The following SUGCT variants were observed in gnomAD, a reference collection of about 807,000 sequenced individuals.
The protein encoded by SUGCT is succinyl-CoA:glutarate-CoA transferase.
A neutral mutation model predicts 55.0 loss-of-function variants in SUGCT; 41 were observed. The ratio of observed to expected loss-of-function variants is 0.74; its 90% CI spans 0.58 to 0.97. The LOEUF (loss-of-function observed/expected upper bound fraction) is 0.97, where lower values mean the gene tolerates loss of function less well. Among genes scored for constraint, SUGCT ranks in the 50% least tolerant of loss-of-function variants. SUGCT has a pLI of 0.00. For synonymous variants in SUGCT, 187 were observed against 200.4 expected (o/e 0.93, Z 0.56); for missense variants, 568 against 547.8 (o/e 1.04, Z -0.37).
chr7:40,457,424 G>A (rs1789548497), intron 10 of SUGCT, among the ~76,000 whole-genome samples: 1 of 152,090 alleles, frequency 6.6e-6, no homozygotes, highest in Admixed American at 6.6e-5. Flanking sequence ...AGCCTACGCA[G>A]CAGTGTGAGA....
At chr7:40,217,611 A>C (rs1264886330) in intron 6 of SUGCT, 3 of 288,830 alleles carry the variant, frequency 1.0e-5, no homozygotes, top group Non-Finnish European at 1.4e-5. Context: ...ATCCTCCTCT[A>C]CTTTCTCCTC....
chr7:40,476,985 CG>C (rs1417386537), intron 11 of SUGCT, among the ~76,000 whole-genome samples: 1 of 151,968 alleles, frequency 6.6e-6, no homozygotes, highest in Admixed American at 6.6e-5. Context: ...AGCCAAATGT[CG>C]GCTTTTAATA....
the SUGCT span, among the ~76,000 whole-genome samples, chr7:41,036,668 T>C: frequency 1.3e-5 from 2 of 152,210 alleles, no homozygotes; most frequent in Admixed American, 6.5e-5. Flanking sequence ...AAACAGCAGT[T>C]AGTTTTGCAC....
chr7:40,531,867 G>C (rs938096575), intron 12 of SUGCT, among the ~76,000 whole-genome samples: 1 of 152,166 alleles, frequency 6.6e-6, no homozygotes, highest in African/African-American at 2.4e-5. Context: ...TAGAGATGGG[G>C]TTTCACCTGT....
chr7:40,794,328 G>A (rs982969502), intron 13 of SUGCT, among the ~76,000 whole-genome samples: 5 of 152,092 alleles, frequency 3.3e-5, no homozygotes, highest in African/African-American at 1.2e-4. Context: ...TCTCAAAGTG[G>A]TGTGAATTCA....
intron 1 of SUGCT, chr7:40,153,629 C>A: frequency 1.9e-6 from 1 of 522,550 alleles, no homozygotes; most frequent in South Asian, 1.4e-5. Flanking sequence ...TTATAATAGT[C>A]GATCCAATGT....
At chr7:40,320,313 C>T (rs1167106183) in intron 9 of SUGCT, among the ~76,000 whole-genome samples, 1 of 151,990 alleles carries the variant, frequency 6.6e-6, no homozygotes, top group Non-Finnish European at 1.5e-5. Context: ...TCCATGTTGG[C>T]CAGGATGGTC....
At chr7:40,234,598 G>C (rs773056513) in intron 6 of SUGCT, among the ~76,000 whole-genome samples, 1 of 152,110 alleles carries the variant, frequency 6.6e-6, no homozygotes, top group Non-Finnish European at 1.5e-5. Flanking sequence ...CCTGAATCAA[G>C]ACGTTTGGGT....
intron 3 of SUGCT, among the ~76,000 whole-genome samples, chr7:40,183,300 A>C (rs1036727884): frequency 5.9e-5 from 9 of 151,988 alleles, no homozygotes; most frequent in African/African-American, 1.9e-4. Flanking sequence ...CAAACAAAAA[A>C]CCTCAAATAC....
chr7:40,250,647 G>A (rs1790308404), intron 7 of SUGCT, among the ~76,000 whole-genome samples: 1 of 151,796 alleles, frequency 6.6e-6, no homozygotes, highest in Non-Finnish European at 1.5e-5. Flanking sequence ...CTAATTTGAA[G>A]CAAATAAGTA....
chr7:40,287,620 C>G (rs994964190), intron 8 of SUGCT, among the ~76,000 whole-genome samples: 5 of 152,118 alleles, frequency 3.3e-5, no homozygotes, highest in Admixed American at 3.3e-4. Context: ...CCTCAGCCCC[C>G]TGAGTGGCTT....
At chr7:40,683,473 A>ATTTGGCTTGGACACATCATAAACACAT (rs1784340654) in intron 12 of SUGCT, among the ~76,000 whole-genome samples, 1 of 152,144 alleles carries the variant, frequency 6.6e-6, no homozygotes, top group Admixed American at 6.5e-5. Context: ...AACACATCCC[A>ATTTGGCTTGGACACATCATAAACACAT]CTGGCTTGGA....
chr7:40,417,110 C>T (rs796650604), intron 9 of SUGCT, among the ~76,000 whole-genome samples: 2 of 151,706 alleles, frequency 1.3e-5, no homozygotes, highest in Non-Finnish European at 2.9e-5. Context: ...TTTCTGCTCG[C>T]CTTTCTTATT....
At chr7:40,993,076 T>C in the SUGCT span, among the ~76,000 whole-genome samples, 2 of 152,164 alleles carry the variant, frequency 1.3e-5, no homozygotes, top group Non-Finnish European at 2.9e-5. Context: ...AAAATGCAGA[T>C]TCTGATTCAG....
chr7:40,185,714 G>A lies in SUGCT; in HGVS notation c.227-2781G>A, dbSNP rs185350815. Among the ~76,000 whole-genome samples the A allele has an allele frequency of 7.9e-3, 1,205 of 152,110 alleles. 3 individuals carry two copies. The highest frequency in any genetic ancestry group is 0.024 in the Middle Eastern group (7 of 294). ...ATTTTTTTATTTTTAGTAGAGACGG[G>A]GTTTCACCATGTTGACCAGGCTGGT... is the stretch of plus-strand genomic sequence containing the variant. On this transcript the variant is annotated intron_variant, in intron 3 of 13. Transcript: ENST00000335693.
chr7:40,530,365 T>A (rs1248992379), intron 12 of SUGCT, among the ~76,000 whole-genome samples: 1 of 152,156 alleles, frequency 6.6e-6, no homozygotes, highest in African/African-American at 2.4e-5. Flanking sequence ...AATATAATAG[T>A]TTTAATAAAA....
At chr7:40,848,534 A>C (rs1253071473) in intron 13 of SUGCT, among the ~76,000 whole-genome samples, 1 of 151,842 alleles carries the variant, frequency 6.6e-6, no homozygotes, top group Admixed American at 6.6e-5. Flanking sequence ...GGTGGATAAC[A>C]CTGATGACTA....
intron 8 of SUGCT, among the ~76,000 whole-genome samples, chr7:40,283,506 T>G (rs895737435): frequency 4.6e-5 from 7 of 152,002 alleles, no homozygotes; most frequent in African/African-American, 1.7e-4. Flanking sequence ...TAGGATTACA[T>G]GCATGAGCCA....
At chr7:40,428,395 A>G (rs2151382104) in intron 9 of SUGCT, among the ~76,000 whole-genome samples, 1 of 152,204 alleles carries the variant, frequency 6.6e-6, no homozygotes, top group Non-Finnish European at 1.5e-5. Context: ...ATAGGGAAGG[A>G]CTTACCTTGT....
Sources: gnomAD v4.1 joint callset for allele counts (sites outside exome capture counted in the v4.1 genomes callset) on GRCh38, gnomAD v4.1.1 for gene constraint, MANE v1.5 for transcripts, NCBI Gene and HGNC (gene_info 2026-07-23, HGNC 2026-07-21) for gene names.